TXNRD3: variants seen among roughly 807,000 people sequenced by gnomAD.
TXNRD3 encodes TXNRD3 neighbor gene protein.
TXNRD3 carries 68 observed loss-of-function variants against 78.2 expected under a neutral mutation model. That is an observed-to-expected ratio of 0.87 (90% CI 0.72 to 1.06). The LOEUF (loss-of-function observed/expected upper bound fraction) is 1.06. Ranked by LOEUF, TXNRD3 falls within the 50% of genes least tolerant of loss-of-function variation. The pLI, the probability that TXNRD3 is intolerant of heterozygous loss-of-function variation, is 0.00. For missense variants in TXNRD3, 751 were observed against 809.5 expected (o/e 0.93, Z 0.88); for synonymous variants, 296 against 300.1 (o/e 0.99, Z 0.14).
intron 9 of TXNRD3, 114 bp downstream of exon 9, chr3:126,630,598 G>A (rs951144849): frequency 1.7e-6 from 2 of 1,157,318 alleles, no homozygotes; most frequent in Non-Finnish European, 2.4e-6. Context: ...CTTGGGAGTG[G>A]AAACACTGTT....
chr3:126,636,166 C>G (rs993594838), intron 6 of TXNRD3, among the ~76,000 whole-genome samples: 19 of 152,090 alleles, frequency 1.2e-4, no homozygotes, highest in Non-Finnish European at 5.9e-5. Context: ...TCAAGCTCCT[C>G]ATCTCAAGCA....
At chr3:126,631,921 G>A (rs1309731650) in intron 7 of TXNRD3, 42 bp from the exon 8 acceptor site, 14 of 1,347,802 alleles carry the variant, frequency 1.0e-5, no homozygotes, top group Non-Finnish European at 1.4e-5. Context: ...AAACACTACA[G>A]AGTACCAGAC....
chr3:126,630,787 T>C lies in TXNRD3; in HGVS notation c.1122A>G (p.Gln374=). 2.0e-6 allele frequency: 3 copies of C among 1,535,094 alleles called. No homozygotes were observed. Among genetic ancestry groups the C allele is most frequent in the Non-Finnish European group, 2.6e-6 (3 of 1,146,888 alleles). ...AGGAACCCACTTTTTCTGCCATTTC[T>C]TGGTCGAAGCCACGGAGAAGGATTG... Residue 374 remains glutamine (Q), a synonymous_variant, in exon 9 of 16, where the codon CAA becomes CAG. Coordinates refer to ENST00000524230, the MANE Select transcript of TXNRD3 (RefSeq NM_052883.3).
At position 126,613,286 on chromosome 3, in the gene TXNRD3, C is replaced by T. The variant is rs1576280008; in HGVS notation, c.1632+2069G>A. Among the ~76,000 whole-genome samples, 7 of 152,192 alleles carry T rather than the reference C, an allele frequency of 4.6e-5. 1 individual carries two copies. Among genetic ancestry groups the T allele is most frequent in the Admixed American group, 4.6e-4 (7 of 15,294 alleles). ...ATTTAGGCTTTATTTATTGATTCGG[C>T]TCTATGCAAGAGCAAGATGAGCTCT... is the stretch of plus-strand genomic sequence containing the variant. On this transcript the variant is annotated intron_variant, in intron 13 of 15. Transcript: ENST00000524230.
In TXNRD3 at chr3:126,607,884, G is replaced by T. The variant is rs911982973; in HGVS notation, c.*21C>A. On this transcript the variant is annotated 3_prime_UTR_variant, in exon 16 of 16. Transcript: ENST00000524230. ...TTGAGAGAAATGAGAATATGACAAG[G>T]AGAACTAAACAGCAGCAGGCCTAGC... 6.7e-7 allele frequency: 1 copy of T among 1,494,604 alleles called. No individual in the cohort carries two copies. The highest frequency in any genetic ancestry group is 2.5e-5 in the East Asian group (1 of 39,922). The allele number at this position is 1,494,604 out of a possible 1,614,324, so 92.6% of individuals were successfully genotyped here. A position where few individuals can be genotyped will look rare whatever the true frequency, so the allele number is the denominator to read the frequency against.
chr3:126,633,559 T>C (rs1204006915), intron 7 of TXNRD3, among the ~76,000 whole-genome samples: 1 of 152,218 alleles, frequency 6.6e-6, no homozygotes, highest in Non-Finnish European at 1.5e-5. Flanking sequence ...ATTGGAGTTC[T>C]AGTTAAGGTT....
rs1204667963 is a variant in TXNRD3, at chr3:126,646,108, T to C, written c.414+3A>G. 1 of 1,518,270 alleles carries C rather than the reference T, an allele frequency of 6.6e-7. No homozygotes were observed. Among genetic ancestry groups the C allele is most frequent in the African/African-American group, 1.4e-5 (1 of 72,156 alleles). 94.0% of individuals were successfully genotyped at this position (1,518,270 alleles called of 1,614,324 possible). ...ATTGAAGAACATATAATAGTATTAT[T>C]ACCTGGAAAGTTTGGTCACATCCAC... On this transcript the variant is annotated splice_donor_region_variant and intron_variant, in intron 3 of 15. Coordinates refer to ENST00000524230, the MANE Select transcript of TXNRD3 (RefSeq NM_052883.3).
In TXNRD3 at chr3:126,644,371, G is replaced by A; in HGVS notation, c.445C>T (p.Leu149Phe). 6.5e-7 allele frequency: 1 copy of A among 1,536,224 alleles called. No individual in the cohort carries two copies. The highest frequency in any genetic ancestry group is 1.7e-4 in the Middle Eastern group (1 of 5,990). The change falls in exon 4 of 16, where the codon CTT (leucine) becomes TTT (phenylalanine). Residue 149 changes from leucine to phenylalanine, a missense_variant. By Grantham distance (22) the Leu-to-Phe change is conservative (BLOSUM62 0). Transcript: ENST00000524230. ...TAATCATATGCCAAATCTTCCTGAAGGAGCTTCTGTAACAAACCACTCTGA... is the reference window on the plus strand; with the variant it reads ...TAATCATATGCCAAATCTTCCTGAAAGAGCTTCTGTAACAAACCACTCTGA...
At chr3:126,641,939 G>A (rs755430546) in intron 6 of TXNRD3, 93 bp downstream of exon 6, 81 of 1,357,616 alleles carry the variant, frequency 6.0e-5, no homozygotes, top group Non-Finnish European at 7.5e-5. Context: ...AATGAATTAC[G>A]AACTCAACTA....
intron 6 of TXNRD3, among the ~76,000 whole-genome samples, chr3:126,637,765 T>C (rs1932941264): frequency 6.6e-6 from 1 of 152,080 alleles, no homozygotes; most frequent in African/African-American, 2.4e-5. Context: ...TATTTTTGTT[T>C]GTTTTAACTT....
intron 12 of TXNRD3, among the ~76,000 whole-genome samples, chr3:126,618,523 G>C (rs1221282025): frequency 6.6e-6 from 1 of 152,114 alleles, no homozygotes; most frequent in African/African-American, 2.4e-5. Context: ...GTAGAAGAAT[G>C]AAACTGTACC....
At chr3:126,645,458 A>T (rs1933203005) in intron 3 of TXNRD3, among the ~76,000 whole-genome samples, 2 of 152,214 alleles carry the variant, frequency 1.3e-5, no homozygotes, top group South Asian at 4.1e-4. Context: ...AAGGATGCTG[A>T]TCATAGATTA....
intron 10 of TXNRD3, chr3:126,624,853 T>C (rs1057001886): frequency 2.8e-5 from 6 of 211,850 alleles, no homozygotes; most frequent in Non-Finnish European, 6.1e-5. Context: ...GAAAATAAAG[T>C]GGCTGCAGAT....
chr3:126,639,695 C>T lies in TXNRD3; in HGVS notation c.712+2337G>A, dbSNP rs569689008. The stretch of plus-strand genomic sequence containing the variant: ...AAGCTATCCTCTTACCTCAGCCTCC[C>T]GAGTAGCTAGGACTACAGGTGCATG... On this transcript the variant is annotated intron_variant, in intron 6 of 15. Coordinates refer to ENST00000524230, the MANE Select transcript of TXNRD3 (RefSeq NM_052883.3). Among the ~76,000 whole-genome samples, 19 of 152,238 alleles carry T rather than the reference C, an allele frequency of 1.2e-4. No homozygotes were observed. In the South Asian group the frequency reaches 2.1e-3, roughly 17 times the overall value.
chr3:126,610,583 T>C (rs970752302), intron 14 of TXNRD3, among the ~76,000 whole-genome samples: 1 of 152,224 alleles, frequency 6.6e-6, no homozygotes, highest in East Asian at 1.9e-4. Context: ...TTGACACACA[T>C]TCAGTCTGTT....
chr3:126,623,747 C>T (rs1186346033), intron 10 of TXNRD3, among the ~76,000 whole-genome samples: 1 of 149,484 alleles, frequency 6.7e-6, no homozygotes, highest in Non-Finnish European at 1.5e-5. Flanking sequence ...GGCAATGATA[C>T]AAGACTCAAT....
Position 126,631,773 on chromosome 3 carries a change from C to T in TXNRD3, c.962G>A (p.Cys321Tyr). Residue 321 changes from cysteine to tyrosine, a missense_variant, in exon 8 of 16, where the codon TGT (cysteine) becomes TAT (tyrosine). Transcript: ENST00000524230. ...GTCTATTTAACCTTACCTAGTAATA[C>T]AGTATTCTTTATCTCCTTGGATTCC... 6.5e-7 allele frequency: 1 copy of T among 1,526,846 alleles called. No homozygotes were observed. Among genetic ancestry groups the T allele is most frequent in the Admixed American group, 2.0e-5 (1 of 50,964 alleles). The allele number at this position is 1,526,846 out of a possible 1,614,324, so 94.6% of individuals were successfully genotyped here. A position where few individuals can be genotyped will look rare whatever the true frequency, so the allele number is the denominator to read the frequency against.
At chr3:126,629,349 T>C (rs76838924) in intron 10 of TXNRD3, 30 bp downstream of exon 10, 38,795 of 1,413,352 alleles carry the variant, frequency 0.027, 668 homozygotes, top group Middle Eastern at 0.055. Context: ...GTGTGTTCAA[T>C]AACTTAGTAA....
At chr3:126,620,136 A>G (rs960070372) in intron 12 of TXNRD3, among the ~76,000 whole-genome samples, 3 of 152,014 alleles carry the variant, frequency 2.0e-5, no homozygotes, top group East Asian at 3.9e-4. Flanking sequence ...TCAACTAAAA[A>G]CACAAAAAAT....
Sources: allele counts gnomAD v4.1 joint callset (sites outside exome capture counted in the v4.1 genomes callset), GRCh38; gene constraint gnomAD v4.1.1; transcripts MANE v1.5; gene names NCBI Gene and HGNC (gene_info 2026-07-23, HGNC 2026-07-21).